AATK: variants seen among roughly 807,000 people sequenced by gnomAD.
AATK encodes the protein lemur tail kinase 1.
AATK carries 91 observed loss-of-function variants against 114.3 expected under a neutral mutation model. The observed-to-expected ratio is 0.80, with a 90% CI of 0.67 to 0.95. The LOEUF (loss-of-function observed/expected upper bound fraction) is 0.95. Ranked by LOEUF, AATK falls within the 40% of genes least tolerant of loss-of-function variation. AATK has a pLI of 0.00. For synonymous variants in AATK, 1,075 were observed against 916.5 expected, an observed-to-expected ratio of 1.17 and a Z score of -3.12; for missense variants, 2,176 against 1,965.2, an observed-to-expected ratio of 1.11 and a Z score of -2.03.
At chr17:81,135,951 C>G (rs1180961718) in intron 1 of AATK, 1 of 152,274 alleles carries the variant, frequency 6.6e-6, no homozygotes, top group Non-Finnish European at 1.5e-5. Flanking sequence ...TCATCCCAGG[C>G]GAGGTTTCCA....
Position 81,120,611 on chromosome 17 carries a change from T to C in AATK, c.3325A>G (p.Arg1109Gly). 6.5e-7 allele frequency: 1 copy of C among 1,550,222 alleles called. No individual in the cohort carries two copies. The highest frequency in any genetic ancestry group is 1.2e-5 in the South Asian group (1 of 81,980). ...QFFLLTPVPL[R>G]SEGNSSEFQG... The stretch of plus-strand genomic sequence containing the variant: ...AACTCAGAGCTGTTGCCTTCTGATC[T>C]CAGCGGAACCGGGGTCAGCAGGAAA... The change falls in exon 11 of 14, where the codon AGA (arginine) becomes GGA (glycine). Residue 1109 changes from arginine (R) to glycine (G), a missense_variant. Coordinates refer to ENST00000326724, the MANE Select transcript of AATK (RefSeq NM_001080395.3).
chr17:81,163,217 G>C (rs971321487), intron 1 of AATK, among the ~76,000 whole-genome samples: 2 of 152,158 alleles, frequency 1.3e-5, no homozygotes, highest in African/African-American at 2.4e-5. Context: ...ACAGCTCCAG[G>C]CCCCAGGGCT....
intron 1 of AATK, among the ~76,000 whole-genome samples, chr17:81,136,506 C>T (rs1255896451): frequency 6.6e-6 from 1 of 151,934 alleles, no homozygotes; most frequent in Non-Finnish European, 1.5e-5. Flanking sequence ...ACCTCCAGGA[C>T]CCCACCTCAG....
intron 1 of AATK, among the ~76,000 whole-genome samples, chr17:81,152,111 C>T (rs571345082): frequency 6.6e-6 from 1 of 152,116 alleles, no homozygotes; most frequent in African/African-American, 2.4e-5. Context: ...CCCATCTCTA[C>T]TAAAAATACA....
rs1201658309 is a variant in AATK, at chr17:81,118,388, G to A, written c.*14C>T. On this transcript the variant is annotated 3_prime_UTR_variant, in exon 14 of 14. Coordinates refer to ENST00000326724, the MANE Select transcript of AATK (RefSeq NM_001080395.3). ...CGGTGACGCCAGCCTTGAGGGGCAG[G>A]AGCTGCCCAGGTCTCAAGCCTCTTT... 1.9e-6 allele frequency: 3 copies of A among 1,602,920 alleles called. No individual in the cohort carries two copies. In the Admixed American group the frequency reaches 5.1e-5, roughly 27 times the overall value.
At chr17:81,140,947 G>A (rs2061127210) in intron 1 of AATK, among the ~76,000 whole-genome samples, 1 of 142,566 alleles carries the variant, frequency 7.0e-6, no homozygotes, top group South Asian at 2.2e-4. Context: ...GGGGCCGTGA[G>A]CCGTGGGGAC....
Position 81,131,648 on chromosome 17 carries a change from G to C in AATK, c.190-443C>G, listed in dbSNP as rs1185239477. Among the ~76,000 whole-genome samples, 5 of 152,160 alleles carry C rather than the reference G, an allele frequency of 3.3e-5. No homozygotes were observed. In the East Asian group the frequency reaches 7.7e-4, roughly 23 times the overall value. ...GACAGAGGTGAGGGCACTCAGGCCA[G>C]CTGGCCCTGCCCATCCAGAATCAGC... On this transcript the variant is annotated intron_variant, in intron 2 of 13. Coordinates refer to ENST00000326724, the MANE Select transcript of AATK (RefSeq NM_001080395.3).
chr17:81,121,110 C>T lies in AATK; in HGVS notation c.2826G>A (p.Glu942=). 4.4e-6 allele frequency: 7 copies of T among 1,605,294 alleles called. No individual in the cohort carries two copies. Among genetic ancestry groups the T allele is most frequent in the African/African-American group, 1.3e-5 (1 of 74,954 alleles). Residue 942 remains glutamate, a synonymous_variant, in exon 11 of 14, where the codon GAG becomes GAA. Coordinates refer to ENST00000326724, the MANE Select transcript of AATK (RefSeq NM_001080395.3). The part of the protein sequence containing the change: ...PRALDSGYDT[E]NYESPEFVLK... Reference sequence around the variant, plus strand: ...GCACAAACTCAGGGGACTCATAGTTCTCGGTGTCATAGCCACTGTCCAGCG... The same window carrying T: ...GCACAAACTCAGGGGACTCATAGTTTTCGGTGTCATAGCCACTGTCCAGCG...
Position 81,131,168 on chromosome 17 carries a change from T to C in AATK, c.227A>G (p.Asp76Gly). The C allele has an allele frequency of 6.3e-7, 1 of 1,579,732 alleles. No homozygotes were observed. Among genetic ancestry groups the C allele is most frequent in the Non-Finnish European group, 8.6e-7 (1 of 1,164,592 alleles). ...CGTGGCCGGGGAGCCCTGCGCCAGG[T>C]CGGCTGCGTACTCGTCCCCCTCCGC... is the stretch of plus-strand genomic sequence containing the variant. Reference protein sequence around the residue: ...ENAEGDEYAADLAQGSPATAA... With the variant: ...ENAEGDEYAAGLAQGSPATAA... Residue 76 changes from aspartate to glycine, a missense_variant, in exon 3 of 14, where the codon GAC becomes GGC. Asp to Gly is a moderately conservative substitution (Grantham distance 94). Coordinates refer to ENST00000326724, the MANE Select transcript of AATK (RefSeq NM_001080395.3).
intron 10 of AATK, 132 bp downstream of exon 10, chr17:81,123,062 A>G: frequency 9.3e-7 from 1 of 1,080,060 alleles, no homozygotes; most frequent in Non-Finnish European, 1.2e-6. Flanking sequence ...TGGCGGGTGG[A>G]GGCCCTACCA....
In AATK at chr17:81,121,717, C is replaced by T. The variant is rs747486246; in HGVS notation, c.2219G>A (p.Gly740Asp). ...GLQAASAQEPGCCPGLPHLCS... is the reference protein window; with the variant it reads ...GLQAASAQEPDCCPGLPHLCS... ...TAGATGAGGGAGGCCGGGGCAGCAG[C>T]CTGGCTCCTGGGCAGAGGCTGCCTG... is the stretch of plus-strand genomic sequence containing the variant. Residue 740 changes from glycine (G) to aspartate (D), a missense_variant, in exon 11 of 14, where the codon GGC (glycine) becomes GAC (aspartate). By Grantham distance (94) the Gly-to-Asp change is moderately conservative. Around this residue, in one of 4 missense-constraint regions of AATK, gnomAD observed 1,701 missense variants for 1,394.7 expected, o/e 1.22. Transcript: ENST00000326724. 6 of 1,492,840 alleles carry T rather than the reference C, an allele frequency of 4.0e-6. No individual in the cohort carries two copies. The highest frequency in any genetic ancestry group is 5.3e-6 in the Non-Finnish European group (6 of 1,126,044). The allele number at this position is 1,492,840 out of a possible 1,614,324, so 92.5% of individuals were successfully genotyped here. A position where few individuals can be genotyped will look rare whatever the true frequency, so the allele number is the denominator to read the frequency against.
intron 1 of AATK, among the ~76,000 whole-genome samples, chr17:81,137,176 C>G (rs192413096): frequency 5.9e-5 from 9 of 151,426 alleles, no homozygotes; most frequent in African/African-American, 2.2e-4. Flanking sequence ...GAGAATTGCT[C>G]GAACCCAGGA....
At chr17:81,138,198 CACA>C (rs2061050323) in intron 1 of AATK, among the ~76,000 whole-genome samples, 7 of 151,278 alleles carry the variant, frequency 4.6e-5, no homozygotes, top group East Asian at 1.9e-4. Context: ...TGCACACACA[CACA>C]CACCCCCACA....
intron 13 of AATK, among the ~76,000 whole-genome samples, 185 bp downstream of exon 13, chr17:81,119,184 TCAGGTGAGGGC>T (rs1476029685): frequency 4.8e-4 from 25 of 52,620 alleles, no homozygotes; most frequent in South Asian, 1.9e-3. Context: ...CAGGTGAGGG[TCAGGTGAGGGC>T]CAGGCGAGGG....
chr17:81,140,810 TGTGAGCC>T (rs1414965651), intron 1 of AATK, among the ~76,000 whole-genome samples: 29 of 46,260 alleles, frequency 6.3e-4, no homozygotes, highest in South Asian at 4.6e-3. Flanking sequence ...ACCGTGGGGC[TGTGAGCC>T]GTGGGGCCGG....
chr17:81,142,539 A>C (rs1264339050), intron 1 of AATK, among the ~76,000 whole-genome samples: 1 of 152,134 alleles, frequency 6.6e-6, no homozygotes, highest in Non-Finnish European at 1.5e-5. Flanking sequence ...CCAGTTTCAA[A>C]GTTAATGTCT....
Position 81,120,414 on chromosome 17 carries a change from C to T in AATK, c.3522G>A (p.Glu1174=). 4.4e-6 allele frequency: 7 copies of T among 1,591,296 alleles called. No individual in the cohort carries two copies. Among genetic ancestry groups the T allele is most frequent in the Non-Finnish European group, 5.1e-6 (6 of 1,166,442 alleles). ...GCTCCTGGACGCTGTAGCAGCGGAG[C>T]TCCTCGTCAGACTCGTCGCTGTCCT... ...DSEDSDESDE[E]LRCYSVQEPS... is the part of the protein sequence containing the mutation. The change falls in exon 11 of 14, where the codon GAG becomes GAA. Residue 1174 remains glutamate (E), a synonymous_variant. Transcript: ENST00000326724.
intron 5 of AATK, 32 bp from the exon 6 acceptor site, chr17:81,127,702 G>A (rs756136545): frequency 6.4e-7 from 1 of 1,556,190 alleles, no homozygotes; most frequent in Non-Finnish European, 8.7e-7. Context: ...CCCTGACTTG[G>A]GAGGAGGTGG....
In AATK at chr17:81,120,994, G is replaced by A. The variant is rs769601816; in HGVS notation, c.2942C>T (p.Thr981Ile). 1.9e-6 allele frequency: 3 copies of A among 1,610,632 alleles called. No individual in the cohort carries two copies. Among genetic ancestry groups the A allele is most frequent in the East Asian group, 2.2e-5 (1 of 44,810 alleles). Residue 981 changes from threonine to isoleucine, a missense_variant, in exon 11 of 14, where the codon ACC becomes ATC. Thr to Ile is a moderately conservative substitution (Grantham distance 89). Coordinates refer to ENST00000326724, the MANE Select transcript of AATK (RefSeq NM_001080395.3). ...CTTCTCGTTGAGGCCACTGAGGGAG[G>A]TGGAGAGCCGTGTCTCGGGCCCGGG... ...EGPGPETRLS[T>I]SLSGLNEKNP...
Sources: gnomAD v4.1 joint callset for allele counts (sites outside exome capture counted in the v4.1 genomes callset) on GRCh38, gnomAD v4.1.1 for gene constraint, gnomAD v4.1.1 regional missense constraint, MANE v1.5 for transcripts, NCBI Gene and HGNC (gene_info 2026-07-23, HGNC 2026-07-21) for gene names.